ZFYVE28: variants seen among roughly 807,000 people sequenced by gnomAD.
The protein encoded by ZFYVE28 is zinc finger FYVE-type containing 28, also known as lateral signaling target protein 2 homolog.
In ZFYVE28, 40 loss-of-function variants were observed where a neutral mutation model predicts 82.1. The observed-to-expected ratio is 0.49, with a 90% confidence interval of 0.38 to 0.63. The LOEUF (loss-of-function observed/expected upper bound fraction) is 0.63. Ranked by LOEUF, ZFYVE28 falls within the 30% of genes least tolerant of loss-of-function variation. The probability of loss-of-function intolerance (pLI) is 0.00; values close to 1 mark genes in which losing one functional copy is unlikely to be tolerated. For missense variants in ZFYVE28, 1,321 were observed against 1,242.1 expected (o/e 1.06, Z -0.96); for synonymous variants, 612 against 546.1 (o/e 1.12, Z -1.68).
intron 1 of ZFYVE28, among the ~76,000 whole-genome samples, chr4:2,390,125 G>A (rs1729677955): frequency 6.6e-6 from 1 of 152,214 alleles, no homozygotes. Flanking sequence ...AATGACAAGC[G>A]TCCTTCATAG....
intron 7 of ZFYVE28, among the ~76,000 whole-genome samples, chr4:2,306,134 G>A (rs991670817): frequency 1.3e-5 from 2 of 152,266 alleles, no homozygotes; most frequent in African/African-American, 4.8e-5. Flanking sequence ...CCTGGCTGAG[G>A]CCGGGAAGGC....
intron 1 of ZFYVE28, among the ~76,000 whole-genome samples, chr4:2,388,751 CT>C (rs1578348779): frequency 6.6e-6 from 1 of 152,108 alleles, no homozygotes; most frequent in African/African-American, 2.4e-5. Flanking sequence ...GATCCCTCCC[CT>C]ACCAAACTGA....
At chr4:2,349,367 T>G (rs1578200644) in intron 2 of ZFYVE28, among the ~76,000 whole-genome samples, 1 of 77,716 alleles carries the variant, frequency 1.3e-5, no homozygotes, top group Non-Finnish European at 2.3e-5. Flanking sequence ...GGGACTGTTG[T>G]GGGGTGGGGG....
intron 2 of ZFYVE28, among the ~76,000 whole-genome samples, chr4:2,353,655 T>A (rs540787091): frequency 3.6e-4 from 55 of 152,154 alleles, no homozygotes; most frequent in Non-Finnish European, 7.4e-4. Flanking sequence ...TGGCTGCCCC[T>A]TGGCTCAGAA....
chr4:2,283,799 G>C (rs909952089), intron 8 of ZFYVE28, among the ~76,000 whole-genome samples: 1 of 152,238 alleles, frequency 6.6e-6, no homozygotes, highest in Non-Finnish European at 1.5e-5. Context: ...ACTCAGGCTG[G>C]AGAGAGGTCT....
chr4:2,367,828 C>T (rs1727046115), intron 1 of ZFYVE28, among the ~76,000 whole-genome samples: 1 of 152,206 alleles, frequency 6.6e-6, no homozygotes, highest in South Asian at 2.1e-4. Flanking sequence ...AGTCCTGGAC[C>T]AGCTCCCCTT....
In ZFYVE28 at chr4:2,362,459, C is replaced by T. The variant is rs1436569392; in HGVS notation, c.40-8386G>A. On this transcript the variant is annotated intron_variant, in intron 1 of 12. Transcript: ENST00000290974. The surrounding 1 kb of genome is among the most constrained non-coding windows in gnomAD (Gnocchi z 5.1). ...GGCCGAGCAAGCCCCTCCACCCCTC[C>T]ACCACTGGGGCTAGAATTGTTCACT... Among the ~76,000 whole-genome samples, 6 of 152,150 alleles carry T rather than the reference C, an allele frequency of 3.9e-5. No individual in the cohort carries two copies. Among genetic ancestry groups the T allele is most frequent in the Non-Finnish European group, 8.8e-5 (6 of 68,016 alleles).
chr4:2,329,230 T>G, intron 6 of ZFYVE28: 1 of 557,130 alleles, frequency 1.8e-6, no homozygotes. Context: ...TCTAACTATA[T>G]TAAGTCTTCC....
intron 8 of ZFYVE28, among the ~76,000 whole-genome samples, chr4:2,293,788 CA>C (rs1269860366): frequency 6.9e-5 from 10 of 145,880 alleles, no homozygotes; most frequent in Non-Finnish European, 1.1e-4. Context: ...AGAAGATCTA[CA>C]AAAATCAGTT....
chr4:2,369,116 CTGGAGACCATACACTAA>C (rs1282620432), intron 1 of ZFYVE28, among the ~76,000 whole-genome samples: 2 of 152,212 alleles, frequency 1.3e-5, no homozygotes, highest in Non-Finnish European at 2.9e-5. Context: ...CACATCTTCT[CTGGAGACCATACACTAA>C]GGGCAGGTGG....
chr4:2,398,479 T>C (rs962007042), intron 1 of ZFYVE28, among the ~76,000 whole-genome samples: 3 of 152,084 alleles, frequency 2.0e-5, no homozygotes, highest in Non-Finnish European at 4.4e-5. Flanking sequence ...TTCACCTATA[T>C]GGGAGTCACA....
chr4:2,377,387 C>A (rs1046669419), intron 1 of ZFYVE28, among the ~76,000 whole-genome samples: 5 of 152,230 alleles, frequency 3.3e-5, no homozygotes, highest in Admixed American at 2.0e-4. Context: ...GAGCTAAACT[C>A]GCTGACATTT....
chr4:2,373,892 G>C (rs756266140), intron 1 of ZFYVE28, among the ~76,000 whole-genome samples: 1 of 152,144 alleles, frequency 6.6e-6, no homozygotes, highest in Non-Finnish European at 1.5e-5. Flanking sequence ...TTCCTGCCCA[G>C]GCCCTCCCTG....
rs966727378 is a variant in ZFYVE28, at chr4:2,300,882, G to A, written c.2051+3407C>T. Among the ~76,000 whole-genome samples the A allele has an allele frequency of 3.9e-5, 6 of 152,148 alleles. No individual in the cohort carries two copies. Among genetic ancestry groups the A allele is most frequent in the Admixed American group, 6.5e-5 (1 of 15,280 alleles). Reference sequence around the variant, plus strand: ...CGTCTGCCGGGCGAGCGGGTCTCACGGCCAAACAGGCCCGGGCTCTTCCAG... The same window carrying A: ...CGTCTGCCGGGCGAGCGGGTCTCACAGCCAAACAGGCCCGGGCTCTTCCAG... On this transcript the variant is annotated intron_variant, in intron 8 of 12. Coordinates refer to ENST00000290974, the MANE Select transcript of ZFYVE28 (RefSeq NM_020972.3). This position sits in a 1 kb window ranked among gnomAD's most constrained non-coding sequence, Gnocchi z 4.6.
chr4:2,358,266 T>C (rs1229305449), intron 1 of ZFYVE28, among the ~76,000 whole-genome samples: 1 of 152,126 alleles, frequency 6.6e-6, no homozygotes, highest in African/African-American at 2.4e-5. Flanking sequence ...TGTGTGCATG[T>C]GAATATATGT....
intron 1 of ZFYVE28, among the ~76,000 whole-genome samples, chr4:2,364,058 G>GC (rs1726524815): frequency 6.6e-6 from 1 of 152,208 alleles, no homozygotes; most frequent in South Asian, 2.1e-4. Flanking sequence ...TGGTGCCACA[G>GC]CCCCAGGGCA....
intron 1 of ZFYVE28, among the ~76,000 whole-genome samples, chr4:2,415,876 A>T (rs2108693555): frequency 6.6e-6 from 1 of 152,372 alleles, no homozygotes; most frequent in Middle Eastern, 3.4e-3. Flanking sequence ...AATAAGAGAC[A>T]GCCCAAGTTC....
chr4:2,271,098 G>A, intron 12 of ZFYVE28: 2 of 739,102 alleles, frequency 2.7e-6, no homozygotes, highest in Non-Finnish European at 4.3e-6. Flanking sequence ...GGCTGGCTCT[G>A]CAGCAGCCGG....
chr4:2,313,536 G>A (rs1169318662), intron 7 of ZFYVE28, among the ~76,000 whole-genome samples: 1 of 152,106 alleles, frequency 6.6e-6, no homozygotes, highest in East Asian at 1.9e-4. Context: ...GGGACTACAG[G>A]TATGAACCAC....
Sources: allele counts gnomAD v4.1 joint callset (sites outside exome capture counted in the v4.1 genomes callset), GRCh38; gene constraint gnomAD v4.1.1; non-coding constraint Gnocchi (gnomAD v3.1); transcripts MANE v1.5; gene names NCBI Gene and HGNC (gene_info 2026-07-23, HGNC 2026-07-21).